The following GRIK2 variants were observed in gnomAD, a reference collection of about 807,000 sequenced individuals.
GRIK2 encodes glutamate ionotropic receptor kainate type subunit 2.
GRIK2 carries 32 observed loss-of-function variants against 100.3 expected under a neutral mutation model. That is an observed-to-expected ratio of 0.32 (90% CI 0.24 to 0.43). The LOEUF (loss-of-function observed/expected upper bound fraction) is 0.43. GRIK2 is among the 20% of genes least tolerant of loss of function. The probability of loss-of-function intolerance (pLI) is 1.00; values close to 1 mark genes in which losing one functional copy is unlikely to be tolerated. For synonymous variants in GRIK2, 417 were observed against 389.4 expected (o/e 1.07, Z -0.83); for missense variants, 843 against 1,114.9 (o/e 0.76, Z 3.47).
intron 7 of GRIK2, among the ~76,000 whole-genome samples, chr6:101,769,580 A>G (rs958535694): frequency 6.6e-6 from 1 of 152,162 alleles, no homozygotes; most frequent in South Asian, 2.1e-4. Context: ...GGATTCTCAA[A>G]TCTAGCCCAC....
At chr6:101,872,762 A>T (rs949446065) in intron 11 of GRIK2, among the ~76,000 whole-genome samples, 2 of 151,866 alleles carry the variant, frequency 1.3e-5, no homozygotes, top group Non-Finnish European at 2.9e-5. Context: ...AATTCCTCAC[A>T]TAAATTATGT....
At chr6:101,411,876 G>A (rs1775899583) in intron 2 of GRIK2, among the ~76,000 whole-genome samples, 1 of 152,032 alleles carries the variant, frequency 6.6e-6, no homozygotes, top group Non-Finnish European at 1.5e-5. Context: ...GTATGGTTGT[G>A]AGACTTTCCT....
At chr6:101,596,171 C>T (rs1055474986) in intron 2 of GRIK2, among the ~76,000 whole-genome samples, 1 of 149,802 alleles carries the variant, frequency 6.7e-6, no homozygotes, top group South Asian at 2.1e-4. Flanking sequence ...TATCAGTGGT[C>T]AACTGACCCT....
intron 7 of GRIK2, among the ~76,000 whole-genome samples, chr6:101,716,743 GAAT>G (rs1256712753): frequency 3.3e-5 from 5 of 151,570 alleles, no homozygotes; most frequent in African/African-American, 9.7e-5. Flanking sequence ...AGAACTTAAA[GAAT>G]AATAATAAAA....
At chr6:101,550,126 G>A (rs1776434636) in intron 2 of GRIK2, among the ~76,000 whole-genome samples, 1 of 152,126 alleles carries the variant, frequency 6.6e-6, no homozygotes, top group African/African-American at 2.4e-5. Flanking sequence ...TTGTTTTTCT[G>A]CATTCTCCAT....
At chr6:101,877,201 A>G (rs754689517) in intron 11 of GRIK2, among the ~76,000 whole-genome samples, 2 of 151,940 alleles carry the variant, frequency 1.3e-5, no homozygotes, top group Non-Finnish European at 2.9e-5. Flanking sequence ...TATGTAGAGT[A>G]TATATGCATA....
At chr6:101,810,809 C>T (rs1256380674) in intron 9 of GRIK2, among the ~76,000 whole-genome samples, 1 of 151,982 alleles carries the variant, frequency 6.6e-6, no homozygotes, top group Non-Finnish European at 1.5e-5. Context: ...ACAAAAGTCT[C>T]TAATTTCCCA....
Position 101,888,640 on chromosome 6 carries a change from G to A in GRIK2, c.1525-1000G>A, listed in dbSNP as rs553893903. Among the ~76,000 whole-genome samples, 4 of 152,140 alleles carry A rather than the reference G, an allele frequency of 2.6e-5. No homozygotes were observed. In the South Asian group the frequency reaches 8.3e-4, roughly 32 times the overall value. ...ACAAATGCACAAAAACACACACAGA[G>A]AATAATATTGTCAACAAACTTTTCT... On this transcript the variant is annotated intron_variant, in intron 11 of 16. Coordinates refer to ENST00000369134, the MANE Select transcript of GRIK2 (RefSeq NM_021956.5).
chr6:101,685,396 C>A (rs2128343507), intron 6 of GRIK2, among the ~76,000 whole-genome samples: 1 of 152,184 alleles, frequency 6.6e-6, no homozygotes, highest in South Asian at 2.1e-4. Flanking sequence ...TTAATCTTGC[C>A]TTGATTCTCA....
intron 7 of GRIK2, among the ~76,000 whole-genome samples, chr6:101,707,134 T>C (rs1356987085): frequency 1.3e-5 from 2 of 151,734 alleles, no homozygotes; most frequent in East Asian, 1.9e-4. Flanking sequence ...CCTTACTAAA[T>C]CAAATCTCAA....
chr6:101,654,027 T>G (rs1305233132), intron 4 of GRIK2, among the ~76,000 whole-genome samples: 1 of 152,216 alleles, frequency 6.6e-6, no homozygotes, highest in Non-Finnish European at 1.5e-5. Context: ...GTCTCCTCGT[T>G]TAAACTGTGA....
chr6:101,409,261 A>G (rs949067161), intron 2 of GRIK2, among the ~76,000 whole-genome samples: 1 of 152,018 alleles, frequency 6.6e-6, no homozygotes, highest in Non-Finnish European at 1.5e-5. Flanking sequence ...TATCCAGCAG[A>G]GTAACATACT....
At chr6:101,556,321 A>ATTTTTTTTTTTTTTTTTT (rs10528480) in intron 2 of GRIK2, among the ~76,000 whole-genome samples, 594 of 59,366 alleles carry the variant, frequency 0.01, 153 homozygotes, top group Non-Finnish European at 0.016. Context: ...TATATTGGTA[A>ATTTTTTTTTTTTTTTTTT]TTTTTTTTTT....
At chr6:101,804,314 T>C (rs1396381275) in intron 9 of GRIK2, among the ~76,000 whole-genome samples, 1 of 151,980 alleles carries the variant, frequency 6.6e-6, no homozygotes, top group Non-Finnish European at 1.5e-5. Flanking sequence ...TAGATTTTAG[T>C]CATAACATAG....
intron 10 of GRIK2, among the ~76,000 whole-genome samples, chr6:101,852,959 T>C (rs1429508599): frequency 1.3e-5 from 2 of 152,182 alleles, no homozygotes; most frequent in Non-Finnish European, 2.9e-5. Flanking sequence ...GGAATAAAGT[T>C]TATATGTGAT....
intron 4 of GRIK2, among the ~76,000 whole-genome samples, chr6:101,632,416 G>T (rs900936733): frequency 2.6e-5 from 4 of 152,074 alleles, no homozygotes; most frequent in Non-Finnish European, 5.9e-5. Flanking sequence ...CTTAATAATA[G>T]GAAGATGTGT....
chr6:101,817,851 C>A (rs1252298872), intron 9 of GRIK2, among the ~76,000 whole-genome samples: 1 of 152,200 alleles, frequency 6.6e-6, no homozygotes, highest in Non-Finnish European at 1.5e-5. Context: ...GTTTTTAAAT[C>A]TCCAAAGATA....
intron 4 of GRIK2, among the ~76,000 whole-genome samples, chr6:101,643,054 A>AT (rs754439693): frequency 6.6e-6 from 1 of 151,426 alleles, no homozygotes; most frequent in Non-Finnish European, 1.5e-5. Context: ...TTGTATGCTG[A>AT]TTTTTTTATT....
At chr6:101,912,023 C>G (rs1788727590) in intron 12 of GRIK2, among the ~76,000 whole-genome samples, 1 of 145,810 alleles carries the variant, frequency 6.9e-6, no homozygotes, top group Non-Finnish European at 1.5e-5. Flanking sequence ...TAGAAAGAAG[C>G]TTTAGTGATT....
Sources: gnomAD v4.1 joint callset for allele counts (sites outside exome capture counted in the v4.1 genomes callset) on GRCh38, gnomAD v4.1.1 for gene constraint, MANE v1.5 for transcripts, NCBI Gene and HGNC (gene_info 2026-07-23, HGNC 2026-07-21) for gene names.